PLEKHA8: variants seen among roughly 807,000 people sequenced by gnomAD.
PLEKHA8 encodes the protein pleckstrin homology domain containing A8.
PLEKHA8 carries 36 observed loss-of-function variants against 68.2 expected under a neutral mutation model. The observed-to-expected ratio is 0.53, with a 90% CI of 0.40 to 0.70. The LOEUF (loss-of-function observed/expected upper bound fraction) is 0.70. Ranked by LOEUF, PLEKHA8 falls within the 30% of genes least tolerant of loss-of-function variation. PLEKHA8 has a pLI of 0.00. For synonymous variants in PLEKHA8, 211 were observed against 216.1 expected (o/e 0.98, Z 0.20); for missense variants, 505 against 615.4 (o/e 0.82, Z 1.90).
intron 9 of PLEKHA8, among the ~76,000 whole-genome samples, chr7:30,056,222 T>C (rs148825318): frequency 0.15 from 22,664 of 147,210 alleles, 1,813 homozygotes; most frequent in Middle Eastern, 0.19. Context: ...GGATTACAGG[T>C]GTGAGCCACC....
At chr7:30,074,197 A>G (rs1471892777) in intron 13 of PLEKHA8, 65 bp downstream of exon 13, 3 of 1,408,080 alleles carry the variant, frequency 2.1e-6, no homozygotes, top group Non-Finnish European at 3.0e-6. Flanking sequence ...AGGGCTAGAA[A>G]TCTCTTCTTA....
At chr7:30,101,182 A>AG (rs1339988968) in intron 13 of PLEKHA8, among the ~76,000 whole-genome samples, 1 of 148,674 alleles carries the variant, frequency 6.7e-6, no homozygotes, top group African/African-American at 2.5e-5. Context: ...ACTTGGGGGA[A>AG]AAAAAAAAAA....
At chr7:30,119,808 T>A (rs1254129264) in intron 13 of PLEKHA8, among the ~76,000 whole-genome samples, 1 of 152,226 alleles carries the variant, frequency 6.6e-6, no homozygotes, top group Non-Finnish European at 1.5e-5. Context: ...TGTTGAGGTG[T>A]GAATTTGTCA....
At chr7:30,046,187 A>G in intron 2 of PLEKHA8, 23 bp from the exon 3 acceptor site, 1 of 1,543,180 alleles carries the variant, frequency 6.5e-7, no homozygotes, top group Non-Finnish European at 8.7e-7. Flanking sequence ...TGAGTCTCTG[A>G]TCTCCCTCTG....
In PLEKHA8 at chr7:30,115,597, T is replaced by C. The variant is rs148546300; in HGVS notation, c.1363-13669T>C. Among the ~76,000 whole-genome samples, 73 of 150,336 alleles carry C rather than the reference T, an allele frequency of 4.9e-4. 1 individual carries two copies. Among genetic ancestry groups the C allele is most frequent in the African/African-American group, 1.5e-3 (60 of 41,272 alleles). ...ACATGCACGTATACATGTAGACATG[T>C]ATACATACATTTATACATGCACACA... On this transcript the variant is annotated intron_variant, in intron 13 of 13. Coordinates refer to the PLEKHA8 transcript ENST00000396257.
At chr7:30,119,935 G>A (rs1478149219) in intron 13 of PLEKHA8, among the ~76,000 whole-genome samples, 1 of 152,022 alleles carries the variant, frequency 6.6e-6, no homozygotes, top group Non-Finnish European at 1.5e-5. Context: ...CACAACTCAG[G>A]CTCTTTTTGT....
In PLEKHA8 at chr7:30,054,791, A is replaced by G. The variant is rs1447652687; in HGVS notation, c.879A>G (p.Ser293=). Residue 293 remains serine, a synonymous_variant, in exon 8 of 14, where the codon TCA becomes TCG. Coordinates refer to ENST00000449726, the MANE Select transcript of PLEKHA8 (RefSeq NM_001197026.2). ...DNNLTQSGSD[S]SCSPECLWEE... ...ACTTGACTCAGTCTGGATCAGACTC[A>G]AGTTGCTCTCCGGAATGCCTCTGGG... 5.6e-6 allele frequency: 9 copies of G among 1,611,804 alleles called. No individual in the cohort carries two copies. Among genetic ancestry groups the G allele is most frequent in the Non-Finnish European group, 5.9e-6 (7 of 1,178,456 alleles).
chr7:30,105,814 T>C (rs886955933), intron 13 of PLEKHA8, among the ~76,000 whole-genome samples: 1 of 152,214 alleles, frequency 6.6e-6, no homozygotes, highest in Non-Finnish European at 1.5e-5. Flanking sequence ...TTTTCAACTA[T>C]AGATACATTG....
chr7:30,108,119 G>T (rs1260878372), intron 13 of PLEKHA8, among the ~76,000 whole-genome samples: 2 of 147,658 alleles, frequency 1.4e-5, no homozygotes, highest in East Asian at 3.9e-4. Flanking sequence ...TGATCATAAG[G>T]TTTCTTCCTT....
intron 13 of PLEKHA8, among the ~76,000 whole-genome samples, chr7:30,121,025 G>A (rs1279745448): frequency 1.3e-5 from 2 of 151,760 alleles, no homozygotes; most frequent in Admixed American, 6.6e-5. Context: ...AATCATAGTA[G>A]ATTTTACGAT....
chr7:30,128,176 G>A (rs1380384968), intron 13 of PLEKHA8, among the ~76,000 whole-genome samples: 7 of 151,116 alleles, frequency 4.6e-5, no homozygotes, highest in Admixed American at 6.6e-5. Context: ...GCATGATCAC[G>A]GCTCACTGCA....
chr7:30,113,934 C>T (rs1796349748), intron 13 of PLEKHA8, among the ~76,000 whole-genome samples: 1 of 150,056 alleles, frequency 6.7e-6, no homozygotes, highest in Non-Finnish European at 1.5e-5. Context: ...AGAGTCTCAC[C>T]AATGCCCAGG....
Position 30,028,653 on chromosome 7 carries a change from T to C in PLEKHA8, c.-110T>C. On this transcript the variant is annotated 5_prime_UTR_variant, in exon 1 of 14. Transcript: ENST00000449726. Reference sequence around the variant, plus strand: ...CCACACCGGGCCCGGGCGCCGGGAGTGGGCGTCTGGGCAGCGCCAGGCGAT... The same window carrying C: ...CCACACCGGGCCCGGGCGCCGGGAGCGGGCGTCTGGGCAGCGCCAGGCGAT... The C allele has an allele frequency of 1.2e-6, 1 of 861,136 alleles. No homozygotes were observed. 53.3% of individuals were successfully genotyped at this position (861,136 alleles called of 1,614,324 possible).
chr7:30,045,446 T>G (rs1166724860), intron 2 of PLEKHA8, among the ~76,000 whole-genome samples: 1 of 152,206 alleles, frequency 6.6e-6, no homozygotes, highest in Non-Finnish European at 1.5e-5. Flanking sequence ...CAACTAGCAC[T>G]CATTCCTTAG....
At chr7:30,062,885 T>G in intron 12 of PLEKHA8, 143 bp downstream of exon 12, 1 of 615,378 alleles carries the variant, frequency 1.6e-6, no homozygotes, top group Non-Finnish European at 2.7e-6. Flanking sequence ...ATTCATTGCT[T>G]CTTATATGCT....
chr7:30,108,019 A>C (rs1470103870), intron 13 of PLEKHA8, among the ~76,000 whole-genome samples: 3 of 145,864 alleles, frequency 2.1e-5, no homozygotes, highest in African/African-American at 7.6e-5. Flanking sequence ...CAGTGAGCAG[A>C]GATCGCGCTA....
rs964942875 is a variant in PLEKHA8, at chr7:30,079,084, G to A, written c.*297G>A. 3 of 1,117,122 alleles carry A rather than the reference G, an allele frequency of 2.7e-6. No homozygotes were observed. The highest frequency in any genetic ancestry group is 3.3e-5 in the African/African-American group (2 of 61,514). 69.2% of individuals were successfully genotyped at this position (1,117,122 alleles called of 1,614,324 possible). A position where few individuals can be genotyped will look rare whatever the true frequency, so the allele number is the denominator to read the frequency against. On this transcript the variant is annotated 3_prime_UTR_variant, in exon 14 of 14. Coordinates refer to ENST00000449726, the MANE Select transcript of PLEKHA8 (RefSeq NM_001197026.2). ...TAACAAACAAATTTGCTGTTATTGT[G>A]TATTGTATTGTTTTTATATTTTAGT...
At chr7:30,107,909 A>G (rs1796121737) in intron 13 of PLEKHA8, among the ~76,000 whole-genome samples, 1 of 152,106 alleles carries the variant, frequency 6.6e-6, no homozygotes, top group African/African-American at 2.4e-5. Context: ...TCTCTCCTAA[A>G]GATACAGAAA....
intron 12 of PLEKHA8, among the ~76,000 whole-genome samples, chr7:30,068,636 A>C (rs895339782): frequency 2.0e-5 from 3 of 152,102 alleles, no homozygotes; most frequent in African/African-American, 7.2e-5. Context: ...TAAAATGTCT[A>C]ATCTTTTTCA....
Sources: allele counts gnomAD v4.1 joint callset (sites outside exome capture counted in the v4.1 genomes callset), GRCh38; gene constraint gnomAD v4.1.1; transcripts MANE v1.5; gene names NCBI Gene and HGNC (gene_info 2026-07-23, HGNC 2026-07-21).